MMRN2: variants seen among roughly 807,000 people sequenced by gnomAD.
The protein encoded by MMRN2 is multimerin 2.
A neutral mutation model predicts 68.8 loss-of-function variants in MMRN2; 53 were observed. The ratio of observed to expected loss-of-function variants is 0.77; its 90% CI spans 0.62 to 0.97. The LOEUF is 0.97. MMRN2 is among the 50% of genes least tolerant of loss of function. The pLI is 0.00. For missense variants in MMRN2, 1,266 were observed against 1,259.5 expected (o/e 1.01, Z -0.08); for synonymous variants, 564 against 551.6 (o/e 1.02, Z -0.32).
At chr10:86,955,362 G>A (rs1022511439) in intron 1 of MMRN2, among the ~76,000 whole-genome samples, 46 of 152,286 alleles carry the variant, frequency 3.0e-4, no homozygotes, top group African/African-American at 1.1e-3. Flanking sequence ...TGGGCCCCTC[G>A]GGGTCCCTGG....
chr10:86,946,391 C>G (rs942127170), intron 1 of MMRN2, among the ~76,000 whole-genome samples: 5 of 152,322 alleles, frequency 3.3e-5, no homozygotes, highest in Non-Finnish European at 5.9e-5. Context: ...CCATTAGGAC[C>G]ATTCTAGAAA....
Position 86,943,639 on chromosome 10 carries a change from T to C in MMRN2, c.1145A>G (p.Glu382Gly), listed in dbSNP as rs1234390952. 1 of 1,613,358 alleles carries C rather than the reference T, an allele frequency of 6.2e-7. No homozygotes were observed. The highest frequency in any genetic ancestry group is 1.1e-5 in the South Asian group (1 of 91,086). Residue 382 changes from glutamate (E) to glycine (G), a missense_variant, in exon 6 of 7, where the codon GAG (glutamate) becomes GGG (glycine). Glu to Gly is a moderately conservative substitution (Grantham distance 98). Coordinates refer to ENST00000372027, the MANE Select transcript of MMRN2 (RefSeq NM_024756.3). This position sits in a 1 kb window ranked among gnomAD's most constrained non-coding sequence, Gnocchi z 4.2. Reference sequence around the variant, plus strand: ...CCTGCGGGCCGTGGTCATGTGCAGCTCTGAGAGGTTCCTCTGCAGCTGGCC... The same window carrying C: ...CCTGCGGGCCGTGGTCATGTGCAGCCCTGAGAGGTTCCTCTGCAGCTGGCC... ...RLGQLQRNLS[E>G]LHMTTARREE...
Position 86,943,986 on chromosome 10 carries a change from C to T in MMRN2, c.798G>A (p.Val266=), listed in dbSNP as rs1239498488. Reference sequence around the variant, plus strand: ...TGGAGATGGCCTGGCGGTTGGCCTCCACGTCAAGAGACAGGTTTCTTATGG... The same window carrying T: ...TGGAGATGGCCTGGCGGTTGGCCTCTACGTCAAGAGACAGGTTTCTTATGG... ...TQAIRNLSLD[V]EANRQAISRV... Residue 266 remains valine (V), a synonymous_variant, in exon 6 of 7, where the codon GTG becomes GTA. Transcript: ENST00000372027. This position sits in a 1 kb window ranked among gnomAD's most constrained non-coding sequence, Gnocchi z 4.2. The T allele has an allele frequency of 6.2e-7, 1 of 1,614,126 alleles. No individual in the cohort carries two copies. Among genetic ancestry groups the T allele is most frequent in the Non-Finnish European group, 8.5e-7 (1 of 1,180,038 alleles).
At chr10:86,953,115 C>T (rs551288513) in intron 1 of MMRN2, among the ~76,000 whole-genome samples, 4 of 152,244 alleles carry the variant, frequency 2.6e-5, no homozygotes, top group East Asian at 1.9e-4. Flanking sequence ...TCCCTAAAAT[C>T]GCTGTTATTC....
rs748170086 is a variant in MMRN2 at position 86,942,659 on chromosome 10, T to C, written c.2125A>G (p.Lys709Glu). The change falls in exon 6 of 7, where the codon AAG becomes GAG. Residue 709 changes from lysine (K) to glutamate (E), a missense_variant. Physicochemically the swap from Lys to Glu is moderately conservative, Grantham distance 56. Transcript: ENST00000372027. ...RELQSLSNDV[K>E]NVGRCCEAEA... ...GCCTCGCAGCACCGCCCGACATTCT[T>C]GACGTCGTTGCTCAGGCTCTGGAGC... The C allele has an allele frequency of 3.1e-6, 5 of 1,595,910 alleles. No homozygotes were observed. Among genetic ancestry groups the C allele is most frequent in the Non-Finnish European group, 4.2e-6 (5 of 1,177,970 alleles).
rs1468195576 is a variant in MMRN2, at chr10:86,943,157, C to T, written c.1627G>A (p.Val543Met). 9 of 1,600,022 alleles carry T rather than the reference C, an allele frequency of 5.6e-6. No individual in the cohort carries two copies. Among genetic ancestry groups the T allele is most frequent in the Non-Finnish European group, 7.7e-6 (9 of 1,174,464 alleles). Reference protein sequence around the residue: ...LQALQNAVDAVSLAVDAHKAE... With the variant: ...LQALQNAVDAMSLAVDAHKAE... ...TTGTGCGCGTCCACGGCCAGCGACA[C>T]GGCGTCCACGGCGTTCTGCAGGGCC... is the stretch of plus-strand genomic sequence containing the variant. The change falls in exon 6 of 7, where the codon GTG (valine) becomes ATG (methionine). Residue 543 changes from valine (V) to methionine (M), a missense_variant. Val to Met is a conservative substitution (Grantham distance 21). Coordinates refer to ENST00000372027, the MANE Select transcript of MMRN2 (RefSeq NM_024756.3). The surrounding 1 kb of genome is among the most constrained non-coding windows in gnomAD (Gnocchi z 4.2).
Position 86,937,065 on chromosome 10 carries a change from T to C in MMRN2, c.2528A>G (p.Lys843Arg), listed in dbSNP as rs747499715. 2.5e-6 allele frequency: 4 copies of C among 1,614,094 alleles called. No homozygotes were observed. In the African/African-American group the frequency reaches 5.3e-5, roughly 22 times the overall value. ...AATGTTGATGTATGTGGTGTTGAAC[T>C]TCACTGTCTGCAGGGCAGCCGTCCC... ...SEGTAALQTVKFNTTYINIGS... is the reference protein window; with the variant it reads ...SEGTAALQTVRFNTTYINIGS... Residue 843 changes from lysine (K) to arginine (R), a missense_variant, in exon 7 of 7, where the codon AAG becomes AGG. Lys to Arg is a conservative substitution (Grantham distance 26). Transcript: ENST00000372027.
At position 86,937,112 on chromosome 10, in the gene MMRN2, G is replaced by T; in HGVS notation, c.2481C>A (p.Ala827=). 6.2e-7 allele frequency: 1 copy of T among 1,614,108 alleles called. No homozygotes were observed. Among genetic ancestry groups the T allele is most frequent in the Non-Finnish European group, 8.5e-7 (1 of 1,179,966 alleles). Residue 827 remains alanine, a synonymous_variant, in exon 7 of 7, where the codon GCC becomes GCA. Coordinates refer to ENST00000372027, the MANE Select transcript of MMRN2 (RefSeq NM_024756.3). Reference sequence around the variant, plus strand: ...TCCCTTCTGAAAAGCTGGCATAGAAGGCCACAGGGGATCCTGAAACATAAC... The same window carrying T: ...TCCCTTCTGAAAAGCTGGCATAGAATGCCACAGGGGATCCTGAAACATAAC... The part of the protein sequence containing the change: ...AALWEAGSPV[A]FYASFSEGTA...
At position 86,936,551 on chromosome 10, in the gene MMRN2, T is replaced by C. The variant is rs1272778927; in HGVS notation, c.*192A>G. 2 of 661,892 alleles carry C rather than the reference T, an allele frequency of 3.0e-6. No homozygotes were observed. The highest frequency in any genetic ancestry group is 5.1e-6 in the Non-Finnish European group (2 of 388,722). 41.0% of individuals were successfully genotyped at this position (661,892 alleles called of 1,614,324 possible). The stretch of plus-strand genomic sequence containing the variant: ...TGTCCTGCCCGGAGAAGCATTCCAG[T>C]CCTTCTCATCATGGAGAAATGGCCA... On this transcript the variant is annotated 3_prime_UTR_variant, in exon 7 of 7. Transcript: ENST00000372027.
At chr10:86,957,267 T>G in intron 1 of MMRN2, 111 bp downstream of exon 1, 1 of 1,125,392 alleles carries the variant, frequency 8.9e-7, no homozygotes, top group Non-Finnish European at 1.3e-6. Flanking sequence ...ATAGATACTA[T>G]TAGCCCATTT....
intron 1 of MMRN2, among the ~76,000 whole-genome samples, chr10:86,957,169 G>A (rs1844248183): frequency 1.3e-5 from 2 of 152,222 alleles, no homozygotes; most frequent in East Asian, 1.9e-4. Context: ...CCCTGCCATG[G>A]CTCCGACAGG....
rs1193900788 is a variant in MMRN2, at chr10:86,943,207, C to A, written c.1577G>T (p.Arg526Leu). 1 of 1,609,564 alleles carries A rather than the reference C, an allele frequency of 6.2e-7. No homozygotes were observed. Among genetic ancestry groups the A allele is most frequent in the Non-Finnish European group, 8.5e-7 (1 of 1,177,676 alleles). Residue 526 changes from arginine to leucine, a missense_variant, in exon 6 of 7, where the codon CGG becomes CTG. Transcript: ENST00000372027. The surrounding 1 kb of genome is among the most constrained non-coding windows in gnomAD (Gnocchi z 4.2). ...EETQVSLDER[R>L]QLDGSSLQAL... The stretch of plus-strand genomic sequence containing the variant: ...CTGCAGGGAGGAGCCGTCCAGCTGC[C>A]GCCGCTCGTCCAGGCTCACCTGGGT...
At chr10:86,946,018 G>T (rs189243469) in intron 1 of MMRN2, among the ~76,000 whole-genome samples, 1 of 152,236 alleles carries the variant, frequency 6.6e-6, no homozygotes, top group African/African-American at 2.4e-5. Context: ...AACAGCCAGA[G>T]TGTGGGGAAA....
chr10:86,944,385 C>T lies in MMRN2; in HGVS notation c.532G>A (p.Glu178Lys), dbSNP rs1032301215. 1.2e-6 allele frequency: 2 copies of T among 1,614,024 alleles called. No individual in the cohort carries two copies. The highest frequency in any genetic ancestry group is 1.7e-5 in the Admixed American group (1 of 60,010). The change falls in exon 5 of 7, where the codon GAA (glutamate) becomes AAA (lysine). Residue 178 changes from glutamate (E) to lysine (K), a missense_variant. Transcript: ENST00000372027. ...TTCTGGAGATCTCCCAGCAGATGTT[C>T]CTGCTGTTCCTGTTGCACCTCAACC... ...NEVEVQQEQQ[E>K]HLLGDLQNDV...
intron 1 of MMRN2, among the ~76,000 whole-genome samples, chr10:86,946,640 C>T (rs1399123157): frequency 6.6e-6 from 1 of 152,198 alleles, no homozygotes; most frequent in African/African-American, 2.4e-5. Context: ...TGGCTGACTC[C>T]ATGGGGTCAG....
intron 6 of MMRN2, among the ~76,000 whole-genome samples, chr10:86,937,911 A>T (rs1383331258): frequency 6.6e-6 from 1 of 152,140 alleles, no homozygotes; most frequent in Non-Finnish European, 1.5e-5. Context: ...GAGCAGGTGG[A>T]GCCAGGGAAG....
In MMRN2 at chr10:86,942,526, C is replaced by T; in HGVS notation, c.2258G>A (p.Ser753Asn). ...SLEQHQRLFHSLFGNFQGLME... is the reference protein window; with the variant it reads ...SLEQHQRLFHNLFGNFQGLME... The stretch of plus-strand genomic sequence containing the variant: ...GAGCCCTTGGAAGTTCCCAAAGAGG[C>T]TGTGGAAGAGCCGCTGGTGCTGCTC... The change falls in exon 6 of 7, where the codon AGC becomes AAC. Residue 753 changes from serine (S) to asparagine (N), a missense_variant. Ser to Asn is a conservative substitution (Grantham distance 46). Transcript: ENST00000372027. 6.2e-7 allele frequency: 1 copy of T among 1,613,826 alleles called. No individual in the cohort carries two copies.
Position 86,942,737 on chromosome 10 carries a change from C to T in MMRN2, c.2047G>A (p.Asp683Asn). Residue 683 changes from aspartate to asparagine, a missense_variant, in exon 6 of 7, where the codon GAC becomes AAC. By Grantham distance (23) the Asp-to-Asn change is conservative. Transcript: ENST00000372027. ...GTGGCGGCCTCCTCGCGGCCCGCGT[C>T]GTGGCTGGGCTCCAGGTGCTCTGCC... ...RPAEHLEPSH[D>N]AGREEAATTA... The T allele has an allele frequency of 7.1e-7, 1 of 1,415,760 alleles. No homozygotes were observed. The highest frequency in any genetic ancestry group is 9.1e-7 in the Non-Finnish European group (1 of 1,093,104). The allele number at this position is 1,415,760 out of a possible 1,614,324, so 87.7% of individuals were successfully genotyped here.
At chr10:86,949,531 A>G (rs1844116518) in intron 1 of MMRN2, 1 of 145,504 alleles carries the variant, frequency 6.9e-6, no homozygotes. Context: ...CCCCATCTCA[A>G]AAAAAAAAAA....
Sources: allele counts gnomAD v4.1 joint callset (sites outside exome capture counted in the v4.1 genomes callset), GRCh38; gene constraint gnomAD v4.1.1; non-coding constraint Gnocchi (gnomAD v3.1); transcripts MANE v1.5; gene names NCBI Gene and HGNC (gene_info 2026-07-23, HGNC 2026-07-21).